Variants in MTMR10 observed in about 807,000 individuals in gnomAD.
The protein encoded by MTMR10 is myotubularin related protein 10, also known as myotubularin-related protein 10.
MTMR10 carries 56 observed loss-of-function variants against 88.1 expected under a neutral mutation model. The observed-to-expected ratio is 0.64, with a 90% CI of 0.51 to 0.79. MTMR10 has a LOEUF of 0.79. Ranked by LOEUF, MTMR10 falls within the 30% of genes least tolerant of loss-of-function variation. MTMR10 has a pLI of 0.00. For missense variants in MTMR10, 883 were observed against 924.7 expected, an observed-to-expected ratio of 0.95 and a Z score of 0.58; for synonymous variants, 380 against 340.9, an observed-to-expected ratio of 1.11 and a Z score of -1.26.
chr15:30,943,410 A>G (rs1292965478), intron 14 of MTMR10: 9 of 984,430 alleles, frequency 9.1e-6, no homozygotes, highest in South Asian at 4.7e-5. Context: ...TTCTATAATT[A>G]CAGTATTTTA....
Position 30,941,836 on chromosome 15 carries a change from C to T in MTMR10, c.1968G>A (p.Leu656=), listed in dbSNP as rs1207488505. The T allele has an allele frequency of 6.2e-7, 1 of 1,613,938 alleles. No homozygotes were observed. Among genetic ancestry groups the T allele is most frequent in the Non-Finnish European group, 8.5e-7 (1 of 1,179,920 alleles). ...CCCAGCGGAAGTAGCACAGTTTCCA[C>T]AGTTTTATGTGTGTTCCAGAGACAC... ...LPRVSGTHIK[L]WKLCYFRWVP... The change falls in exon 16 of 16, where the codon CTG becomes CTA. Residue 656 remains leucine, a synonymous_variant. Transcript: ENST00000435680.
At chr15:30,967,244 T>A (rs1027427400) in intron 6 of MTMR10, among the ~76,000 whole-genome samples, 1 of 152,202 alleles carries the variant, frequency 6.6e-6, no homozygotes, top group African/African-American at 2.4e-5. Context: ...TCTTTGTTTT[T>A]CTCTATCAAG....
the MTMR10 span, chr15:30,929,293 G>T: frequency 6.2e-7 from 1 of 1,613,090 alleles, no homozygotes; most frequent in Non-Finnish European, 8.5e-7. Flanking sequence ...TGATGCCCCC[G>T]AGGAGAGCCT....
At position 30,941,815 on chromosome 15, in the gene MTMR10, G is replaced by C. The variant is rs760607329; in HGVS notation, c.1989C>G (p.Arg663=). Residue 663 remains arginine (R), a synonymous_variant, in exon 16 of 16, where the codon CGC becomes CGG. Transcript: ENST00000435680. ...GGCTGATCTGGGCCTCGGGAACCCA[G>C]CGGAAGTAGCACAGTTTCCACAGTT... ...HIKLWKLCYF[R]WVPEAQISLG... is the part of the protein sequence containing the mutation. The C allele has an allele frequency of 1.3e-5, 21 of 1,613,954 alleles. No homozygotes were observed. Among genetic ancestry groups the C allele is most frequent in the Non-Finnish European group, 1.7e-5 (20 of 1,179,916 alleles).
chr15:30,954,161 C>T (rs2063288707), intron 10 of MTMR10, among the ~76,000 whole-genome samples: 1 of 152,128 alleles, frequency 6.6e-6, no homozygotes, highest in Non-Finnish European at 1.5e-5. Context: ...CAACAACTTG[C>T]CCCTGCCCCG....
At chr15:30,954,432 T>C (rs1004900355) in intron 10 of MTMR10, among the ~76,000 whole-genome samples, 1 of 152,226 alleles carries the variant, frequency 6.6e-6, no homozygotes, top group African/African-American at 2.4e-5. Flanking sequence ...AAAGTATAAC[T>C]GTATGTATTA....
intron 2 of MTMR10, among the ~76,000 whole-genome samples, chr15:30,985,710 G>T (rs1417987083): frequency 1.3e-5 from 2 of 152,232 alleles, no homozygotes; most frequent in Admixed American, 1.3e-4. Flanking sequence ...GCAAAAAGAA[G>T]AATACAAGGC....
chr15:30,920,199 G>A, the MTMR10 span, among the ~76,000 whole-genome samples: 4 of 152,264 alleles, frequency 2.6e-5, no homozygotes, highest in South Asian at 8.3e-4. Context: ...ATACCAAAGT[G>A]TATTATTCTC....
rs773867245 is a variant in MTMR10, at chr15:30,991,497, G to A, written c.10C>T (p.Leu4Phe). Residue 4 changes from leucine to phenylalanine, a missense_variant, in exon 1 of 16, where the codon CTC becomes TTC. Transcript: ENST00000435680. MFS[L>F]KPPKPTFRSY... ...CTGAAGGTGGGTTTGGGCGGCTTGA[G>A]GGAGAACATGGTGCCGCCGCCTTTT... 11 of 1,525,600 alleles carry A rather than the reference G, an allele frequency of 7.2e-6. No homozygotes were observed. The highest frequency in any genetic ancestry group is 1.5e-5 in the African/African-American group (1 of 68,568). The allele number at this position is 1,525,600 out of a possible 1,614,324, so 94.5% of individuals were successfully genotyped here. A position where few individuals can be genotyped will look rare whatever the true frequency, so the allele number is the denominator to read the frequency against.
At chr15:30,981,654 C>A (rs776117030) in intron 2 of MTMR10, among the ~76,000 whole-genome samples, 2 of 152,190 alleles carry the variant, frequency 1.3e-5, no homozygotes, top group African/African-American at 4.8e-5. Context: ...ATTACGTCTA[C>A]ATTTTTAAGT....
At chr15:30,973,048 A>G (rs577946319) in intron 5 of MTMR10, among the ~76,000 whole-genome samples, 1 of 152,322 alleles carries the variant, frequency 6.6e-6, no homozygotes, top group South Asian at 2.1e-4. Context: ...ATTAAATTAC[A>G]AATATAAATA....
chr15:30,929,322 C>T, the MTMR10 span: 1 of 1,612,200 alleles, frequency 6.2e-7, no homozygotes. Context: ...GGGTGGCAGC[C>T]ACGTGGCATG....
At chr15:30,927,580 G>A in the MTMR10 span, 3 of 985,460 alleles carry the variant, frequency 3.0e-6, no homozygotes, top group Admixed American at 6.2e-5. Flanking sequence ...CCCACTCACT[G>A]TGGTACCACG....
At position 30,944,947 on chromosome 15, in the gene MTMR10, G is replaced by A. The variant is rs575655300; in HGVS notation, c.1549-1875C>T. Among the ~76,000 whole-genome samples, 78 of 151,796 alleles carry A rather than the reference G, an allele frequency of 5.1e-4. 1 individual carries two copies. Among genetic ancestry groups the A allele is most frequent in the Non-Finnish European group, 1.0e-3 (69 of 67,978 alleles). On this transcript the variant is annotated intron_variant, in intron 14 of 15. Coordinates refer to ENST00000435680, the MANE Select transcript of MTMR10 (RefSeq NM_017762.3). The stretch of plus-strand genomic sequence containing the variant: ...GCAGTGCTTGGACCCAGGAGGCAGA[G>A]GTTGCAGTGAGCTGATATTGTACCA...
chr15:30,960,293 T>G (rs542187817), intron 7 of MTMR10, among the ~76,000 whole-genome samples: 7 of 152,250 alleles, frequency 4.6e-5, no homozygotes, highest in African/African-American at 1.4e-4. Context: ...CCAGCCAGCC[T>G]GAGATGGGAT....
chr15:30,988,987 CAAAAAAAAA>C (rs71420538), intron 2 of MTMR10, among the ~76,000 whole-genome samples: 2 of 85,896 alleles, frequency 2.3e-5, no homozygotes, highest in African/African-American at 7.4e-5. Context: ...GACTCTGTCT[CAAAAAAAAA>C]AAAAAAAAAA....
chr15:30,980,315 C>T (rs1018724034), intron 2 of MTMR10, among the ~76,000 whole-genome samples: 18 of 152,192 alleles, frequency 1.2e-4, no homozygotes, highest in African/African-American at 3.9e-4. Context: ...AGCTACAGCA[C>T]TCAGCAGAAA....
At chr15:30,925,306 T>A in the MTMR10 span, 4 of 1,610,454 alleles carry the variant, frequency 2.5e-6, no homozygotes, top group Non-Finnish European at 3.4e-6. Context: ...GGAAAGAGCC[T>A]GTGGGTGCTT....
At chr15:30,950,584 C>T (rs961760217) in intron 12 of MTMR10, among the ~76,000 whole-genome samples, 8 of 151,758 alleles carry the variant, frequency 5.3e-5, no homozygotes, top group Non-Finnish European at 1.0e-4. Context: ...GCAGGAGAAT[C>T]GCTTGAACCC....
Sources: allele counts gnomAD v4.1 joint callset (sites outside exome capture counted in the v4.1 genomes callset), GRCh38; gene constraint gnomAD v4.1.1; transcripts MANE v1.5; gene names NCBI Gene and HGNC (gene_info 2026-07-23, HGNC 2026-07-21).